Variants in IQCM observed in about 807,000 individuals in gnomAD.
IQCM encodes the protein IQ domain-containing protein M.
Under a neutral mutation model 57.6 loss-of-function variants are expected in IQCM, and 45 were observed. That is an observed-to-expected ratio of 0.78 (90% CI 0.62 to 1.00). The LOEUF (loss-of-function observed/expected upper bound fraction) is 1.00. Among genes scored for constraint, IQCM ranks in the 50% least tolerant of loss-of-function variants. The pLI is 0.00. For missense variants in IQCM, 468 were observed against 511.6 expected (o/e 0.91, Z 0.82); for synonymous variants, 148 against 158.9 (o/e 0.93, Z 0.51).
chr4:149,357,471 T>A (rs1344639181), intron 13 of IQCM, among the ~76,000 whole-genome samples: 8 of 152,230 alleles, frequency 5.3e-5, no homozygotes, highest in Non-Finnish European at 1.2e-4. Flanking sequence ...TTAAATTTTG[T>A]CAAAGGCCTT....
At chr4:149,365,720 A>G (rs1032769020) in intron 13 of IQCM, among the ~76,000 whole-genome samples, 1 of 128,194 alleles carries the variant, frequency 7.8e-6, no homozygotes, top group African/African-American at 2.7e-5. Context: ...TGTAATCCCA[A>G]TCTAAGCTTA....
At chr4:149,720,721 A>G (rs1349343705) in intron 5 of IQCM, among the ~76,000 whole-genome samples, 1 of 152,234 alleles carries the variant, frequency 6.6e-6, no homozygotes, top group Non-Finnish European at 1.5e-5. Context: ...AATCTAAACC[A>G]GGAAGAAATG....
At chr4:149,458,779 T>A (rs1224233275) in intron 12 of IQCM, among the ~76,000 whole-genome samples, 2 of 152,082 alleles carry the variant, frequency 1.3e-5, no homozygotes, top group East Asian at 3.8e-4. Context: ...AATAGAAAAA[T>A]TTAGTAATTG....
chr4:149,563,238 A>G (rs906493651), intron 10 of IQCM, among the ~76,000 whole-genome samples: 1 of 152,318 alleles, frequency 6.6e-6, no homozygotes, highest in Admixed American at 6.5e-5. Context: ...CTAAACAGAA[A>G]ATGAACAGAC....
At chr4:149,540,555 T>C (rs1014124921) in intron 12 of IQCM, among the ~76,000 whole-genome samples, 1 of 151,602 alleles carries the variant, frequency 6.6e-6, no homozygotes, top group African/African-American at 2.4e-5. Flanking sequence ...CTCAGAAAAA[T>C]AGAATGAAAA....
At chr4:149,607,467 C>A (rs908742002) in intron 8 of IQCM, among the ~76,000 whole-genome samples, 5 of 151,996 alleles carry the variant, frequency 3.3e-5, no homozygotes, top group African/African-American at 1.2e-4. Flanking sequence ...CAACTCACTG[C>A]TAAAAGTACA....
intron 12 of IQCM, among the ~76,000 whole-genome samples, chr4:149,482,881 T>G (rs529079002): frequency 6.6e-6 from 1 of 152,038 alleles, no homozygotes; most frequent in Non-Finnish European, 1.5e-5. Flanking sequence ...AATTCAGCAG[T>G]GAAGCCATTG....
intron 12 of IQCM, among the ~76,000 whole-genome samples, chr4:149,436,859 G>A (rs1222651483): frequency 6.6e-6 from 1 of 152,046 alleles, no homozygotes; most frequent in Non-Finnish European, 1.5e-5. Flanking sequence ...TTTTAAATTA[G>A]CAAATGTATA....
chr4:149,672,590 A>G (rs964188147), intron 7 of IQCM, among the ~76,000 whole-genome samples: 1 of 152,218 alleles, frequency 6.6e-6, no homozygotes, highest in Non-Finnish European at 1.5e-5. Flanking sequence ...AAGAGTAAAA[A>G]GAAACTAACA....
intron 7 of IQCM, among the ~76,000 whole-genome samples, chr4:149,652,856 T>A (rs1759314919): frequency 6.6e-6 from 1 of 152,144 alleles, no homozygotes; most frequent in Admixed American, 6.6e-5. Flanking sequence ...GAGATTAAAA[T>A]CTTGAAACTG....
chr4:149,525,906 T>C (rs1026456765), intron 12 of IQCM, among the ~76,000 whole-genome samples: 3 of 151,136 alleles, frequency 2.0e-5, no homozygotes, highest in African/African-American at 7.3e-5. Flanking sequence ...AAAAGACAAA[T>C]AAAAAATTAA....
chr4:149,757,117 G>C lies in IQCM; in HGVS notation c.-48-14378C>G, dbSNP rs538933603. Reference sequence around the variant, plus strand: ...ACTAAAAATACAAAAAATTAGCCGGGCATGGTGGCAGGCGCCTGTAGTCCC... The same window carrying C: ...ACTAAAAATACAAAAAATTAGCCGGCCATGGTGGCAGGCGCCTGTAGTCCC... On this transcript the variant is annotated intron_variant, in intron 2 of 13. Coordinates refer to ENST00000636793, the MANE Select transcript of IQCM (RefSeq NM_001363507.2). Among the ~76,000 whole-genome samples the C allele has an allele frequency of 3.9e-5, 6 of 152,150 alleles. No individual in the cohort carries two copies. The South Asian group carries it at 1.2e-3, about 32-fold the overall frequency.
chr4:149,368,248 T>C (rs1729977739), intron 13 of IQCM, among the ~76,000 whole-genome samples: 1 of 152,042 alleles, frequency 6.6e-6, no homozygotes, highest in African/African-American at 2.4e-5. Flanking sequence ...TTTGGACTTG[T>C]TGAATTTTTT....
chr4:149,508,469 G>A (rs756694886), intron 12 of IQCM, among the ~76,000 whole-genome samples: 29 of 152,306 alleles, frequency 1.9e-4, no homozygotes, highest in African/African-American at 4.3e-4. Flanking sequence ...GAGACATGGC[G>A]TCAAAGGAGA....
intron 12 of IQCM, among the ~76,000 whole-genome samples, chr4:149,524,738 C>T (rs1012870242): frequency 4.6e-5 from 7 of 151,412 alleles, no homozygotes; most frequent in Non-Finnish European, 8.9e-5. Flanking sequence ...TAATTAATCC[C>T]ATAGAAAATC....
intron 2 of IQCM, among the ~76,000 whole-genome samples, chr4:149,785,804 A>G (rs937727601): frequency 6.7e-6 from 1 of 148,992 alleles, no homozygotes; most frequent in Non-Finnish European, 1.5e-5. Flanking sequence ...TTTCTTTTAC[A>G]ACCCTTTAAA....
chr4:149,556,897 T>C (rs1749639352), intron 10 of IQCM, among the ~76,000 whole-genome samples: 1 of 152,204 alleles, frequency 6.6e-6, no homozygotes, highest in African/African-American at 2.4e-5. Context: ...CTCATTTTGA[T>C]CTGAGTCAAA....
intron 12 of IQCM, among the ~76,000 whole-genome samples, chr4:149,468,491 G>T (rs570464130): frequency 5.3e-5 from 8 of 152,290 alleles, no homozygotes; most frequent in African/African-American, 1.7e-4. Flanking sequence ...GCTCAAACTG[G>T]GTGGAGCCAA....
At chr4:149,444,290 G>T (rs1216769314) in intron 12 of IQCM, among the ~76,000 whole-genome samples, 1 of 151,712 alleles carries the variant, frequency 6.6e-6, no homozygotes. Context: ...ATATAAATTT[G>T]TCAGTTTAAG....
Sources: gnomAD v4.1 joint callset for allele counts (sites outside exome capture counted in the v4.1 genomes callset) on GRCh38, gnomAD v4.1.1 for gene constraint, MANE v1.5 for transcripts, NCBI Gene and HGNC (gene_info 2026-07-23, HGNC 2026-07-21) for gene names.